The following BLNK variants were observed in gnomAD, a reference collection of about 807,000 sequenced individuals.
The protein encoded by BLNK is B cell linker.
A neutral mutation model predicts 73.5 loss-of-function variants in BLNK; 29 were observed. The observed-to-expected ratio is 0.39, with a 90% confidence interval of 0.29 to 0.54. The LOEUF (loss-of-function observed/expected upper bound fraction) is 0.54. Ranked by LOEUF, BLNK falls within the 20% of genes least tolerant of loss-of-function variation. The pLI is 0.61. For synonymous variants in BLNK, 176 were observed against 200.8 expected, an observed-to-expected ratio of 0.88 and a Z score of 1.04; for missense variants, 460 against 562.8, an observed-to-expected ratio of 0.82 and a Z score of 1.85.
chr10:96,229,052 C>T (rs1167481228), intron 4 of BLNK, among the ~76,000 whole-genome samples: 1 of 152,170 alleles, frequency 6.6e-6, no homozygotes, highest in African/African-American at 2.4e-5. Context: ...GGGTATCCAT[C>T]ACTCAAGCAT....
intron 9 of BLNK, among the ~76,000 whole-genome samples, chr10:96,209,631 G>A (rs1423823673): frequency 6.6e-6 from 1 of 152,190 alleles, no homozygotes; most frequent in Non-Finnish European, 1.5e-5. Flanking sequence ...GGCTTCAAGT[G>A]AGCTGCCCGC....
intron 5 of BLNK, among the ~76,000 whole-genome samples, chr10:96,226,171 C>A (rs1842250886): frequency 6.6e-6 from 1 of 152,160 alleles, no homozygotes. Context: ...TGACCTCTTT[C>A]AGGATTATCG....
chr10:96,267,579 A>T (rs1902703), intron 1 of BLNK, among the ~76,000 whole-genome samples: 151,227 of 152,330 alleles, frequency 0.99, 75,077 homozygotes, highest in Middle Eastern at 1. Flanking sequence ...ATCCATTAGA[A>T]AAGGTCTCAG....
intron 3 of BLNK, among the ~76,000 whole-genome samples, chr10:96,239,599 A>T (rs1414218720): frequency 6.6e-6 from 1 of 152,234 alleles, no homozygotes; most frequent in Non-Finnish European, 1.5e-5. Context: ...GCAAGAGATG[A>T]TGAAGGCCTT....
chr10:96,247,611 G>A (rs1057422100), intron 1 of BLNK, among the ~76,000 whole-genome samples: 1 of 152,164 alleles, frequency 6.6e-6, no homozygotes, highest in Non-Finnish European at 1.5e-5. Flanking sequence ...TCCTAGAACT[G>A]AATCAAATGG....
At chr10:96,205,161 C>T (rs2083764136) in intron 11 of BLNK, 1 of 159,608 alleles carries the variant, frequency 6.3e-6, no homozygotes, top group African/African-American at 2.4e-5. Flanking sequence ...ACTTGCATTT[C>T]AGTGTTTTCC....
At chr10:96,255,658 C>A (rs113965825) in intron 1 of BLNK, among the ~76,000 whole-genome samples, 2 of 152,200 alleles carry the variant, frequency 1.3e-5, no homozygotes, top group South Asian at 4.1e-4. Flanking sequence ...TCATCCCCCG[C>A]ATCTTAACCT....
chr10:96,224,555 T>G (rs1007764), intron 5 of BLNK, among the ~76,000 whole-genome samples: 69,979 of 151,950 alleles, frequency 0.46, 16,405 homozygotes, highest in South Asian at 0.52. Context: ...GTCCTTCTCA[T>G]CAGGTATCAG....
At chr10:96,201,195 G>A in intron 13 of BLNK, 137 bp from the exon 14 acceptor site, 1 of 784,556 alleles carries the variant, frequency 1.3e-6, no homozygotes, top group Middle Eastern at 2.8e-4. Context: ...GGTTCCAAAA[G>A]TGTGGTCCAA....
chr10:96,261,577 T>A (rs1554912856), intron 1 of BLNK, among the ~76,000 whole-genome samples: 1 of 152,220 alleles, frequency 6.6e-6, no homozygotes, highest in African/African-American at 2.4e-5. Flanking sequence ...GTGATGATCT[T>A]CGAGTATGAA....
chr10:96,228,101 T>C (rs1189977476), intron 4 of BLNK, among the ~76,000 whole-genome samples: 2 of 150,854 alleles, frequency 1.3e-5, no homozygotes, highest in East Asian at 1.9e-4. Context: ...TTTTCTTTTT[T>C]TTTTTTTCCT....
chr10:96,247,081 A>G, intron 1 of BLNK, 32 bp from the exon 2 acceptor site: 1 of 1,499,888 alleles, frequency 6.7e-7, no homozygotes. Flanking sequence ...ATAAGATATT[A>G]ATAACCAGTC....
chr10:96,242,165 C>T (rs1285449330), intron 3 of BLNK, among the ~76,000 whole-genome samples: 3 of 152,124 alleles, frequency 2.0e-5, no homozygotes, highest in Admixed American at 6.5e-5. Flanking sequence ...TCCCCCGTAC[C>T]GTTCTGGTGG....
chr10:96,230,653 T>C (rs1488575362), intron 4 of BLNK, 141 bp downstream of exon 4: 3 of 910,916 alleles, frequency 3.3e-6, no homozygotes, highest in Non-Finnish European at 5.2e-6. Flanking sequence ...GTATGCAGTA[T>C]GCCTTGCCTG....
At position 96,240,378 on chromosome 10, in the gene BLNK, C is replaced by T. The variant is rs368665812; in HGVS notation, c.163+2357G>A. Among the ~76,000 whole-genome samples the T allele has an allele frequency of 1.4e-4, 21 of 152,284 alleles. No homozygotes were observed. In the East Asian group the frequency reaches 3.1e-3, roughly 22 times the overall value. On this transcript the variant is annotated intron_variant, in intron 3 of 16. Transcript: ENST00000224337. Reference sequence around the variant, plus strand: ...TCAGATGGCCTAACTTCTTAATTCTCTCCTTTGAAGTTGCACAGGACAACT... The same window carrying T: ...TCAGATGGCCTAACTTCTTAATTCTTTCCTTTGAAGTTGCACAGGACAACT...
At chr10:96,235,902 G>T (rs7084168) in intron 3 of BLNK, among the ~76,000 whole-genome samples, 107,895 of 151,738 alleles carry the variant, frequency 0.71, 41,000 homozygotes, top group Non-Finnish European at 0.84. Context: ...CTGATGTGCT[G>T]CCGGCCAGTG....
At chr10:96,268,631 C>T (rs1367129228) in intron 1 of BLNK, among the ~76,000 whole-genome samples, 1 of 152,144 alleles carries the variant, frequency 6.6e-6, no homozygotes, top group African/African-American at 2.4e-5. Flanking sequence ...CCACTGGGTT[C>T]ATCCAGAACA....
intron 4 of BLNK, among the ~76,000 whole-genome samples, chr10:96,228,112 G>T (rs11188671): frequency 0.56 from 81,533 of 144,740 alleles, 22,948 homozygotes; most frequent in South Asian, 0.73. Context: ...TTTTTTTCCT[G>T]TTTTTGAGAT....
intron 1 of BLNK, among the ~76,000 whole-genome samples, chr10:96,259,545 G>A (rs1843654689): frequency 6.6e-6 from 1 of 152,060 alleles, no homozygotes; most frequent in African/African-American, 2.4e-5. Flanking sequence ...CCCCCTGAGG[G>A]TCCTGGAGTG....
Sources: gnomAD v4.1 joint callset for allele counts (sites outside exome capture counted in the v4.1 genomes callset) on GRCh38, gnomAD v4.1.1 for gene constraint, MANE v1.5 for transcripts, NCBI Gene and HGNC (gene_info 2026-07-23, HGNC 2026-07-21) for gene names.